Variants in ZBTB16 observed in about 807,000 individuals in gnomAD.
ZBTB16 encodes zinc finger and BTB domain-containing protein 16.
A neutral mutation model predicts 56.8 loss-of-function variants in ZBTB16; 8 were observed. The ratio of observed to expected loss-of-function variants is 0.14; its 90% CI spans 0.08 to 0.25. ZBTB16 has a LOEUF of 0.25. Ranked by LOEUF, ZBTB16 falls within the 10% of genes least tolerant of loss-of-function variation. The pLI is 1.00. For synonymous variants in ZBTB16, 363 were observed against 368.5 expected (o/e 0.98, Z 0.17); for missense variants, 625 against 903.0 (o/e 0.69, Z 3.95).
intron 2 of ZBTB16, among the ~76,000 whole-genome samples, chr11:114,066,768 A>ATTTTTTTT (rs11371325): frequency 9.0e-6 from 1 of 111,444 alleles, no homozygotes. Flanking sequence ...CACTCACTAC[A>ATTTTTTTT]TTTTTTTTTT....
chr11:114,194,834 T>A (rs1156407781), intron 4 of ZBTB16, among the ~76,000 whole-genome samples: 1 of 152,224 alleles, frequency 6.6e-6, no homozygotes, highest in Non-Finnish European at 1.5e-5. Context: ...AACTGATAAA[T>A]ACCATTAATG....
chr11:114,202,577 A>G (rs549418231), intron 4 of ZBTB16, among the ~76,000 whole-genome samples: 2 of 152,370 alleles, frequency 1.3e-5, no homozygotes, highest in Admixed American at 6.5e-5. Context: ...AATAATGCAG[A>G]TATTTGGGCG....
At chr11:114,220,417 T>C (rs1944207278) in intron 4 of ZBTB16, among the ~76,000 whole-genome samples, 1 of 152,196 alleles carries the variant, frequency 6.6e-6, no homozygotes, top group Non-Finnish European at 1.5e-5. Flanking sequence ...ATATGTCATG[T>C]TCTAGCCTCC....
chr11:114,183,213 G>A, intron 3 of ZBTB16, among the ~76,000 whole-genome samples: 1 of 152,192 alleles, frequency 6.6e-6, no homozygotes, highest in East Asian at 1.9e-4. Context: ...GAGGGACCTG[G>A]CCCAGAGTCA....
At chr11:114,203,433 T>G (rs1943779956) in intron 4 of ZBTB16, among the ~76,000 whole-genome samples, 1 of 152,080 alleles carries the variant, frequency 6.6e-6, no homozygotes, top group South Asian at 2.1e-4. Context: ...CCGGGCACAG[T>G]GGCTCATGCT....
At chr11:114,204,919 C>G (rs1480274616) in intron 4 of ZBTB16, among the ~76,000 whole-genome samples, 1 of 152,174 alleles carries the variant, frequency 6.6e-6, no homozygotes, top group Non-Finnish European at 1.5e-5. Flanking sequence ...TTTACTTCCG[C>G]TACTAATTTA....
intron 2 of ZBTB16, among the ~76,000 whole-genome samples, chr11:114,104,360 G>A (rs889824948): frequency 6.6e-6 from 1 of 152,114 alleles, no homozygotes; most frequent in African/African-American, 2.4e-5. Context: ...GGAGTTAGCT[G>A]GGGAAATACA....
intron 2 of ZBTB16, among the ~76,000 whole-genome samples, chr11:114,125,376 C>T (rs1444491454): frequency 6.6e-6 from 1 of 152,070 alleles, no homozygotes; most frequent in East Asian, 1.9e-4. Context: ...TCTATGTAAC[C>T]GTAGAGCAGC....
intron 4 of ZBTB16, chr11:114,189,297 A>G (rs1943436720): frequency 6.6e-6 from 1 of 152,262 alleles, no homozygotes; most frequent in African/African-American, 2.4e-5. Flanking sequence ...CTCCAAAGAT[A>G]GACAAATAGC....
At chr11:114,076,064 C>T (rs76643243) in intron 2 of ZBTB16, among the ~76,000 whole-genome samples, 7,769 of 152,100 alleles carry the variant, frequency 0.051, 557 homozygotes, top group Admixed American at 0.17. Context: ...CTGCCGCTGC[C>T]GTTTTAAAGG....
At chr11:114,097,987 GGT>G (rs1940479117) in intron 2 of ZBTB16, among the ~76,000 whole-genome samples, 1 of 152,184 alleles carries the variant, frequency 6.6e-6, no homozygotes, top group Non-Finnish European at 1.5e-5. Flanking sequence ...GTACGTATGT[GGT>G]CAGGTTTTCA....
chr11:114,225,060 G>C (rs574170443), intron 4 of ZBTB16, among the ~76,000 whole-genome samples: 9 of 152,290 alleles, frequency 5.9e-5, no homozygotes, highest in South Asian at 2.1e-4. Flanking sequence ...GGTACAGCAG[G>C]CTGGTGAAAT....
At chr11:114,087,481 T>G (rs1458279222) in intron 2 of ZBTB16, among the ~76,000 whole-genome samples, 1 of 152,200 alleles carries the variant, frequency 6.6e-6, no homozygotes. Flanking sequence ...TGTTTTGTGG[T>G]CTCTGCCCTC....
chr11:114,167,460 G>T, intron 3 of ZBTB16, among the ~76,000 whole-genome samples: 1 of 145,034 alleles, frequency 6.9e-6, no homozygotes. Flanking sequence ...TAGATGCCTT[G>T]AGGTATTATT....
intron 2 of ZBTB16, among the ~76,000 whole-genome samples, chr11:114,153,495 A>G (rs185043347): frequency 1.1e-3 from 162 of 152,368 alleles, no homozygotes; most frequent in African/African-American, 3.8e-3. Context: ...AGCGAAATGC[A>G]TGACAACAGA....
chr11:114,214,840 G>GT (rs1944064335), intron 4 of ZBTB16, among the ~76,000 whole-genome samples: 1 of 152,152 alleles, frequency 6.6e-6, no homozygotes, highest in Admixed American at 6.5e-5. Context: ...TTGTTTGTTT[G>GT]TTTTTTCTTG....
Position 114,063,586 on chromosome 11 carries a change from G to A in ZBTB16, c.286G>A (p.Ala96Thr). 6.2e-7 allele frequency: 1 copy of A among 1,614,250 alleles called. No individual in the cohort carries two copies. The highest frequency in any genetic ancestry group is 8.5e-7 in the Non-Finnish European group (1 of 1,180,050). Reference protein sequence around the residue: ...YAYTATLQAKAEDLDDLLYAA... With the variant: ...YAYTATLQAKTEDLDDLLYAA... ...ATATACAGCCACGCTGCAAGCCAAG[G>A]CGGAGGACCTGGATGACCTGCTGTA... Residue 96 changes from alanine to threonine, a missense_variant, in exon 2 of 7, where the codon GCG becomes ACG. Transcript: ENST00000335953. This position sits in a 1 kb window ranked among gnomAD's most constrained non-coding sequence, Gnocchi z 6.5.
chr11:114,099,523 T>C (rs2137749332), intron 2 of ZBTB16, among the ~76,000 whole-genome samples: 1 of 152,194 alleles, frequency 6.6e-6, no homozygotes, highest in Non-Finnish European at 1.5e-5. Flanking sequence ...CATTTTAATC[T>C]AAGTCTCCAG....
At chr11:114,086,689 A>G (rs1939967582) in intron 2 of ZBTB16, among the ~76,000 whole-genome samples, 1 of 152,126 alleles carries the variant, frequency 6.6e-6, no homozygotes, top group Non-Finnish European at 1.5e-5. Context: ...GGTGAATCCT[A>G]TTAAAAGGAA....
Sources: gnomAD v4.1 joint callset for allele counts (sites outside exome capture counted in the v4.1 genomes callset) on GRCh38, gnomAD v4.1.1 for gene constraint, Gnocchi (gnomAD v3.1) non-coding constraint, MANE v1.5 for transcripts, NCBI Gene and HGNC (gene_info 2026-07-23, HGNC 2026-07-21) for gene names.